RHOH: variants seen among roughly 807,000 people sequenced by gnomAD.
The protein encoded by RHOH is rho-related GTP-binding protein RhoH.
RHOH carries 6 observed loss-of-function variants against 13.8 expected under a neutral mutation model. That is an observed-to-expected ratio of 0.44 (90% CI 0.24 to 0.86). The LOEUF is 0.86. Ranked by LOEUF, RHOH falls within the 40% of genes least tolerant of loss-of-function variation. The probability of loss-of-function intolerance (pLI) is 0.24; values close to 1 mark genes in which losing one functional copy is unlikely to be tolerated. For synonymous variants in RHOH, 117 were observed against 103.0 expected (o/e 1.14, Z -0.82); for missense variants, 147 against 244.5 (o/e 0.60, Z 2.66).
In RHOH at chr4:40,243,991, G is replaced by A. The variant is rs1363537805; in HGVS notation, c.*29G>A. ...CCAAGAGACTTCACACAACACTTAT[G>A]TATGCACCCCAAAGACTAATGGGGA... On this transcript the variant is annotated 3_prime_UTR_variant, in exon 3 of 3. Transcript: ENST00000381799. The surrounding 1 kb of genome is among the most constrained non-coding windows in gnomAD (Gnocchi z 6.2). The A allele has an allele frequency of 6.4e-7, 1 of 1,556,878 alleles. No homozygotes were observed. Among genetic ancestry groups the A allele is most frequent in the African/African-American group, 1.4e-5 (1 of 73,308 alleles).
chr4:40,210,337 C>T (rs1399477464), intron 1 of RHOH, among the ~76,000 whole-genome samples: 1 of 152,176 alleles, frequency 6.6e-6, no homozygotes, highest in Non-Finnish European at 1.5e-5. Flanking sequence ...CGGCCCTGGG[C>T]CAATGGCTCA....
chr4:40,240,850 T>C (rs1729155221), intron 1 of RHOH, among the ~76,000 whole-genome samples: 1 of 149,264 alleles, frequency 6.7e-6, no homozygotes, highest in Non-Finnish European at 1.5e-5. Context: ...CTGGCCCTGC[T>C]ACACTGGGGT....
intron 1 of RHOH, among the ~76,000 whole-genome samples, chr4:40,210,089 C>CGTGCGTGTGT (rs1553933900): frequency 4.8e-5 from 7 of 145,556 alleles, no homozygotes; most frequent in African/African-American, 1.8e-4. Flanking sequence ...ACATTGTGTG[C>CGTGCGTGTGT]GTGTGTGTGT....
chr4:40,205,396 G>A (rs1724529067), intron 1 of RHOH, among the ~76,000 whole-genome samples: 1 of 152,210 alleles, frequency 6.6e-6, no homozygotes, highest in Admixed American at 6.5e-5. Context: ...AGGGTGAAAG[G>A]CATTAGCATT....
intron 1 of RHOH, among the ~76,000 whole-genome samples, chr4:40,204,079 C>T (rs2109369746): frequency 6.6e-6 from 1 of 152,306 alleles, no homozygotes. Flanking sequence ...AACATTATAT[C>T]ACAAAATAAA....
chr4:40,215,943 T>A (rs919687897), intron 1 of RHOH, among the ~76,000 whole-genome samples: 1 of 151,130 alleles, frequency 6.6e-6, no homozygotes, highest in African/African-American at 2.4e-5. Flanking sequence ...ATAAGTAAAA[T>A]ATATATATTG....
chr4:40,217,087 G>A (rs1725978735), intron 1 of RHOH, among the ~76,000 whole-genome samples: 1 of 152,210 alleles, frequency 6.6e-6, no homozygotes, highest in Non-Finnish European at 1.5e-5. Flanking sequence ...TTTGAGTGGT[G>A]TGTGAAAGAG....
intron 1 of RHOH, among the ~76,000 whole-genome samples, chr4:40,204,781 T>G (rs1425209931): frequency 6.6e-6 from 1 of 152,190 alleles, no homozygotes; most frequent in Non-Finnish European, 1.5e-5. Context: ...TAGCATCAGA[T>G]CCTTAAAATG....
intron 1 of RHOH, among the ~76,000 whole-genome samples, chr4:40,206,887 C>T (rs547312397): frequency 2.4e-4 from 37 of 152,204 alleles, no homozygotes; most frequent in African/African-American, 8.9e-4. Context: ...TACTTGTATA[C>T]ATCTTATTTG....
chr4:40,194,367 T>G (rs2109329649), upstream of RHOH, among the ~76,000 whole-genome samples: 2 of 152,218 alleles, frequency 1.3e-5, no homozygotes, highest in African/African-American at 4.8e-5. Context: ...TAGCTGGGAT[T>G]ACAGGCATGA....
At chr4:40,212,675 T>A (rs1725404524) in intron 1 of RHOH, 1 of 152,238 alleles carries the variant, frequency 6.6e-6, no homozygotes, top group Non-Finnish European at 1.5e-5. Context: ...GATATTTGCA[T>A]TTCAACAAAG....
rs1726157497 is a variant in RHOH, at chr4:40,218,538, G to A, written c.-331+21238G>A. On this transcript the variant is annotated intron_variant, in intron 1 of 2. Coordinates refer to ENST00000381799, the MANE Select transcript of RHOH (RefSeq NM_004310.5). This position sits in a 1 kb window ranked among gnomAD's most constrained non-coding sequence, Gnocchi z 4.1. ...CCAAAAAATGCAGGGCCAAGGCTGG[G>A]GGTGGAGAGGTAAGGCTAGGGAAGT... 6.6e-6 allele frequency among the ~76,000 whole-genome samples: 1 copy of A among 152,180 alleles called. No individual in the cohort carries two copies. The highest frequency in any genetic ancestry group is 1.5e-5 in the Non-Finnish European group (1 of 68,036).
At chr4:40,214,254 A>G (rs899558160) in intron 1 of RHOH, among the ~76,000 whole-genome samples, 2 of 152,186 alleles carry the variant, frequency 1.3e-5, no homozygotes, top group African/African-American at 2.4e-5. Context: ...GTTACAAGAT[A>G]TGGGCATCAT....
chr4:40,233,359 G>C (rs1728171150), intron 1 of RHOH, among the ~76,000 whole-genome samples: 1 of 138,106 alleles, frequency 7.2e-6, no homozygotes. Flanking sequence ...ATAGCCAGTG[G>C]GGCTGAAAGG....
chr4:40,225,858 C>T lies in RHOH; in HGVS notation c.-330-16856C>T, dbSNP rs115511263. Among the ~76,000 whole-genome samples the T allele has an allele frequency of 6.0e-3, 920 of 152,230 alleles. 6 individuals carry two copies. Among genetic ancestry groups the T allele is most frequent in the African/African-American group, 0.021 (883 of 41,534 alleles). On this transcript the variant is annotated intron_variant, in intron 1 of 2. Coordinates refer to ENST00000381799, the MANE Select transcript of RHOH (RefSeq NM_004310.5). ...AGAGACCTATGAATGGGCTCAGAGG[C>T]TGGACTGCCAGAGTCTGAACCCCAG...
chr4:40,201,346 G>A (rs1723959379), intron 1 of RHOH, among the ~76,000 whole-genome samples: 1 of 149,822 alleles, frequency 6.7e-6, no homozygotes, highest in African/African-American at 2.5e-5. Flanking sequence ...GGAACAGGGT[G>A]AATTTTCAAT....
rs1312474204 is a variant in RHOH, at chr4:40,244,117, G to C, written c.*155G>C. 1.6e-6 allele frequency: 1 copy of C among 617,392 alleles called. No individual in the cohort carries two copies. The highest frequency in any genetic ancestry group is 2.8e-6 in the Non-Finnish European group (1 of 354,064). 38.2% of individuals were successfully genotyped at this position (617,392 alleles called of 1,614,324 possible). A position where few individuals can be genotyped will look rare whatever the true frequency, so the allele number is the denominator to read the frequency against. On this transcript the variant is annotated 3_prime_UTR_variant, in exon 3 of 3. Transcript: ENST00000381799. ...AGTTATTGATGAGGCTTGGCCACTG[G>C]ATGTTTTCACTAACTACACTCTACA...
chr4:40,203,712 G>T (rs999814822), intron 1 of RHOH, among the ~76,000 whole-genome samples: 2 of 152,096 alleles, frequency 1.3e-5, no homozygotes, highest in Admixed American at 6.5e-5. Context: ...CTGTACTTAC[G>T]ATATTCCTTA....
At chr4:40,206,404 C>T (rs950799140) in intron 1 of RHOH, among the ~76,000 whole-genome samples, 1 of 152,106 alleles carries the variant, frequency 6.6e-6, no homozygotes, top group Non-Finnish European at 1.5e-5. Context: ...GGTTGAGAAG[C>T]ATAAGAATGC....
Sources: allele counts gnomAD v4.1 joint callset (sites outside exome capture counted in the v4.1 genomes callset), GRCh38; gene constraint gnomAD v4.1.1; non-coding constraint Gnocchi (gnomAD v3.1); transcripts MANE v1.5; gene names NCBI Gene and HGNC (gene_info 2026-07-23, HGNC 2026-07-21).